Variants in KSR1 observed in about 807,000 individuals in gnomAD.
KSR1 encodes the protein kinase suppressor of ras 1.
A neutral mutation model predicts 92.9 loss-of-function variants in KSR1; 35 were observed. The ratio of observed to expected loss-of-function variants is 0.38; its 90% confidence interval spans 0.29 to 0.50. The LOEUF (loss-of-function observed/expected upper bound fraction) is 0.50, where lower values mean the gene tolerates loss of function less well. Among genes scored for constraint, KSR1 ranks in the 20% least tolerant of loss-of-function variants. The probability of loss-of-function intolerance (pLI) is 0.94; values close to 1 mark genes in which losing one functional copy is unlikely to be tolerated. For missense variants in KSR1, 972 were observed against 1,158.5 expected (o/e 0.84, Z 2.34); for synonymous variants, 467 against 472.6 (o/e 0.99, Z 0.15).
intron 4 of KSR1, 40 bp downstream of exon 4, chr17:27,583,145 G>C: frequency 7.4e-7 from 1 of 1,355,654 alleles, no homozygotes; most frequent in East Asian, 2.5e-5. Context: ...AGTGCCCTCT[G>C]TGGTTTTCTA....
Position 27,533,060 on chromosome 17 carries a change from G to A in KSR1, c.232-17508G>A, listed in dbSNP as rs116816625. 1.9e-3 allele frequency among the ~76,000 whole-genome samples: 282 copies of A among 152,330 alleles called. 1 individual carries two copies. Among genetic ancestry groups the A allele is most frequent in the African/African-American group, 6.5e-3 (269 of 41,562 alleles). On this transcript the variant is annotated intron_variant, in intron 1 of 20. Coordinates refer to ENST00000644974, the MANE Select transcript of KSR1 (RefSeq NM_001394583.1). ...ATGCCCAGCATTGGCCTGATGGACA[G>A]TAGGCACCCCAAAAGTCTCAGTCAT...
At chr17:27,572,460 C>T (rs540549214) in intron 2 of KSR1, among the ~76,000 whole-genome samples, 15 of 152,300 alleles carry the variant, frequency 9.8e-5, no homozygotes, top group Admixed American at 4.6e-4. Context: ...GCAGTAATTC[C>T]TTGGAGGCAG....
At chr17:27,502,728 C>T (rs1396509001) in intron 1 of KSR1, among the ~76,000 whole-genome samples, 1 of 152,218 alleles carries the variant, frequency 6.6e-6, no homozygotes, top group African/African-American at 2.4e-5. Context: ...GCACAGATGT[C>T]GTTTGACTTC....
At chr17:27,556,762 C>T (rs2071610292) in intron 2 of KSR1, among the ~76,000 whole-genome samples, 1 of 152,164 alleles carries the variant, frequency 6.6e-6, no homozygotes, top group Admixed American at 6.5e-5. Context: ...TGGTGCAGGG[C>T]CCAGATTCCA....
rs190723484 is a variant in KSR1, at chr17:27,617,653, G to A, written c.2627+225G>A. 6.0e-4 allele frequency: 296 copies of A among 493,290 alleles called. 1 individual carries two copies. The highest frequency in any genetic ancestry group is 2.4e-3 in the East Asian group (64 of 26,212). 30.6% of individuals were successfully genotyped at this position (493,290 alleles called of 1,614,324 possible). A position where few individuals can be genotyped will look rare whatever the true frequency, so the allele number is the denominator to read the frequency against. On this transcript the variant is annotated intron_variant, in intron 19 of 20. Transcript: ENST00000644974. ...AGCAATTCTCCTGCCTCAGCCTCCC[G>A]AGTAGCTGGGACTGTAGGCACCTGC...
At chr17:27,557,377 T>G (rs2071639895) in intron 2 of KSR1, among the ~76,000 whole-genome samples, 1 of 152,230 alleles carries the variant, frequency 6.6e-6, no homozygotes, top group African/African-American at 2.4e-5. Context: ...TCATGGCATC[T>G]GTCCCCTCTT....
At chr17:27,576,705 T>C (rs559197232) in intron 2 of KSR1, among the ~76,000 whole-genome samples, 2 of 152,336 alleles carry the variant, frequency 1.3e-5, no homozygotes, top group East Asian at 3.9e-4. Flanking sequence ...TTACTCAGAA[T>C]GGTGCATAGT....
At chr17:27,538,675 C>A (rs145910999) in intron 1 of KSR1, among the ~76,000 whole-genome samples, 20 of 152,284 alleles carry the variant, frequency 1.3e-4, no homozygotes, top group African/African-American at 4.8e-4. Flanking sequence ...CTACCCTGAA[C>A]AAAACTGGGT....
chr17:27,519,875 T>C (rs2069950561), intron 1 of KSR1, among the ~76,000 whole-genome samples: 1 of 152,212 alleles, frequency 6.6e-6, no homozygotes, highest in Non-Finnish European at 1.5e-5. Context: ...GGAGGAGCTC[T>C]TCATCCAGCC....
chr17:27,564,736 A>ACC (rs34194473), intron 2 of KSR1, among the ~76,000 whole-genome samples: 16 of 101,462 alleles, frequency 1.6e-4, no homozygotes, highest in South Asian at 3.7e-4. Context: ...AAGATGGAAG[A>ACC]CCCCCCCCCC....
chr17:27,486,962 AT>A lies in KSR1; in HGVS notation c.231+30089del, dbSNP rs2068683565. ...GTCGCCTTGGGTACTTTCCTGATCTATGATGCTGAAACACACTGGAGAATTG... is the reference window on the plus strand; with the variant it reads ...GTCGCCTTGGGTACTTTCCTGATCTAGATGCTGAAACACACTGGAGAATTG... On this transcript the variant is annotated intron_variant, in intron 1 of 20. Coordinates refer to ENST00000644974, the MANE Select transcript of KSR1 (RefSeq NM_001394583.1). Among the ~76,000 whole-genome samples, 4 of 152,166 alleles carry A rather than the reference AT, an allele frequency of 2.6e-5. No individual in the cohort carries two copies. The South Asian group carries it at 8.3e-4, about 32-fold the overall frequency.
intron 2 of KSR1, among the ~76,000 whole-genome samples, chr17:27,562,388 G>A (rs887119632): frequency 6.6e-6 from 1 of 152,370 alleles, no homozygotes; most frequent in African/African-American, 2.4e-5. Flanking sequence ...TGAAGGTTGC[G>A]TTACAAGGAT....
At chr17:27,474,891 A>G (rs537150547) in intron 1 of KSR1, among the ~76,000 whole-genome samples, 13 of 152,314 alleles carry the variant, frequency 8.5e-5, no homozygotes, top group African/African-American at 2.9e-4. Context: ...CCTGGGCAAC[A>G]TAGCAAGATT....
chr17:27,527,013 A>T, intron 1 of KSR1: 1 of 504,854 alleles, frequency 2.0e-6, no homozygotes, highest in Non-Finnish European at 3.7e-6. Flanking sequence ...GCCCTTCTTC[A>T]GCTGTTTGAA....
chr17:27,605,876 C>T, intron 14 of KSR1, 63 bp downstream of exon 14: 1 of 1,591,694 alleles, frequency 6.3e-7, no homozygotes, highest in South Asian at 1.1e-5. Context: ...CCAGGGAGCC[C>T]TGTTTGTGTG....
Position 27,592,512 on chromosome 17 carries a change from T to C in KSR1, c.1193-8T>C. ...CCCTGGTGATGGGTTTTCCCTCTTT[T>C]CAAACAGTAACTCGGCTTCGGAGGA... On this transcript the variant is annotated splice_region_variant and splice_polypyrimidine_tract_variant and intron_variant, in intron 8 of 20. Transcript: ENST00000644974. The C allele has an allele frequency of 1.2e-6, 2 of 1,613,898 alleles. No homozygotes were observed. The highest frequency in any genetic ancestry group is 2.2e-5 in the South Asian group (2 of 91,076).
intron 18 of KSR1, chr17:27,612,462 G>A (rs1244177737): frequency 1.3e-5 from 2 of 152,230 alleles, no homozygotes; most frequent in East Asian, 1.9e-4. Context: ...AGTTTTTGCA[G>A]TCTTTAGTGG....
intron 11 of KSR1, chr17:27,601,746 G>T: frequency 1.6e-6 from 1 of 641,934 alleles, no homozygotes; most frequent in Non-Finnish European, 2.7e-6. Context: ...TTTTGCTAAT[G>T]CCTTATGAGC....
intron 18 of KSR1, 113 bp downstream of exon 18, chr17:27,611,742 C>T (rs1423642988): frequency 3.3e-6 from 4 of 1,214,068 alleles, no homozygotes; most frequent in African/African-American, 1.5e-5. Context: ...GGAGCTCTGC[C>T]ACCTGCACGT....
Sources: allele counts gnomAD v4.1 joint callset (sites outside exome capture counted in the v4.1 genomes callset), GRCh38; gene constraint gnomAD v4.1.1; transcripts MANE v1.5; gene names NCBI Gene and HGNC (gene_info 2026-07-23, HGNC 2026-07-21).